Variants in TTC39A observed in about 807,000 individuals in gnomAD.
TTC39A encodes tetratricopeptide repeat protein 39A.
TTC39A carries 46 observed loss-of-function variants against 82.3 expected under a neutral mutation model. That is an observed-to-expected ratio of 0.56 (90% CI 0.44 to 0.71). The LOEUF (loss-of-function observed/expected upper bound fraction) is 0.71. Ranked by LOEUF, TTC39A falls within the 30% of genes least tolerant of loss-of-function variation. TTC39A has a pLI of 0.00. For missense variants in TTC39A, 543 were observed against 712.9 expected, an observed-to-expected ratio of 0.76 and a Z score of 2.71; for synonymous variants, 254 against 275.2, an observed-to-expected ratio of 0.92 and a Z score of 0.76.
At chr1:51,308,832 TG>T (rs1644973221) in intron 6 of TTC39A, among the ~76,000 whole-genome samples, 1 of 152,194 alleles carries the variant, frequency 6.6e-6, no homozygotes. Context: ...TGCATGTGTG[TG>T]TATGTATACC....
At chr1:51,312,091 G>T in intron 4 of TTC39A, 28 bp downstream of exon 4, 1 of 1,603,226 alleles carries the variant, frequency 6.2e-7, no homozygotes, top group Admixed American at 1.7e-5. Context: ...GGCTTAGCAT[G>T]GTTGAAAGGA....
At chr1:51,296,339 A>G (rs1489172937) in intron 12 of TTC39A, among the ~76,000 whole-genome samples, 169 bp from the exon 13 acceptor site, 1 of 152,266 alleles carries the variant, frequency 6.6e-6, no homozygotes, top group African/African-American at 2.4e-5. Flanking sequence ...ACCTGAATCC[A>G]GGACAACCCA....
At chr1:51,332,548 G>A (rs996939738), upstream of TTC39A, among the ~76,000 whole-genome samples, 6 of 152,210 alleles carry the variant, frequency 3.9e-5, no homozygotes, top group African/African-American at 7.2e-5. Flanking sequence ...GTAAGCCACC[G>A]CGCCCGGCCT....
At chr1:51,307,289 C>T (rs2148204278) in intron 6 of TTC39A, among the ~76,000 whole-genome samples, 1 of 152,282 alleles carries the variant, frequency 6.6e-6, no homozygotes, top group Non-Finnish European at 1.5e-5. Context: ...GGGGCCAGAG[C>T]ACTTGTCTGG....
At position 51,287,402 on chromosome 1, in the gene TTC39A, T is replaced by C. The variant is rs1205904458; in HGVS notation, c.*755A>G. On this transcript the variant is annotated 3_prime_UTR_variant, in exon 18 of 18. Coordinates refer to ENST00000680483, the MANE Select transcript of TTC39A (RefSeq NM_001297663.2). The stretch of plus-strand genomic sequence containing the variant: ...AGATACAGACTGGATTCTGAGAACC[T>C]CCTCCTGCCCCCCAAATTTCCTGGC... 1 of 152,186 alleles carries C rather than the reference T, an allele frequency of 6.6e-6. No individual in the cohort carries two copies. Among genetic ancestry groups the C allele is most frequent in the Admixed American group, 6.5e-5 (1 of 15,272 alleles). 9.4% of individuals were successfully genotyped at this position (152,186 alleles called of 1,614,324 possible). A position where few individuals can be genotyped will look rare whatever the true frequency, so the allele number is the denominator to read the frequency against.
chr1:51,302,238 T>TGGGGGGGGGGGC, intron 11 of TTC39A, 119 bp downstream of exon 11: 1 of 723,712 alleles, frequency 1.4e-6, no homozygotes, highest in Non-Finnish European at 2.5e-6. Context: ...GGTTCTCTCT[T>TGGGGGGGGGGGC]GGCCCCCCCC....
In TTC39A at chr1:51,309,243, AT is replaced by A. The variant is rs1383802091; in HGVS notation, c.488+17del. 1 of 1,594,196 alleles carries A rather than the reference AT, an allele frequency of 6.3e-7. No homozygotes were observed. Among genetic ancestry groups the A allele is most frequent in the East Asian group, 2.3e-5 (1 of 44,282 alleles). On this transcript the variant is annotated intron_variant, in intron 6 of 17. Transcript: ENST00000680483. ...TGGCCCAGGGTCTCCCCACAAGCGG[AT>A]GGCCAGCCCCACTCACTTGTAGGTC... is the stretch of plus-strand genomic sequence containing the variant.
intron 8 of TTC39A, among the ~76,000 whole-genome samples, chr1:51,303,886 C>T (rs767119378): frequency 5.9e-5 from 9 of 152,222 alleles, no homozygotes; most frequent in Non-Finnish European, 8.8e-5. Flanking sequence ...ATGACCCATG[C>T]GCTTTCTTAA....
At chr1:51,304,772 G>A (rs574244123) in intron 8 of TTC39A, among the ~76,000 whole-genome samples, 1 of 152,324 alleles carries the variant, frequency 6.6e-6, no homozygotes, top group African/African-American at 2.4e-5. Flanking sequence ...AGGGAGAGAG[G>A]GACCAGCCCC....
intron 14 of TTC39A, among the ~76,000 whole-genome samples, chr1:51,293,347 G>A (rs943557154): frequency 9.2e-5 from 14 of 152,154 alleles, no homozygotes; most frequent in Admixed American, 5.2e-4. Flanking sequence ...GATTACAGGC[G>A]TGAGCCACCA....
chr1:51,318,582 G>A (rs1030949334), intron 2 of TTC39A, among the ~76,000 whole-genome samples: 4 of 152,134 alleles, frequency 2.6e-5, no homozygotes, highest in Non-Finnish European at 5.9e-5. Flanking sequence ...GGTCAGGCCT[G>A]GGGACTTGTG....
At position 51,287,952 on chromosome 1, in the gene TTC39A, C is replaced by G; in HGVS notation, c.*205G>C. 1 of 699,314 alleles carries G rather than the reference C, an allele frequency of 1.4e-6. No homozygotes were observed. Among genetic ancestry groups the G allele is most frequent in the East Asian group, 2.8e-5 (1 of 35,610 alleles). The allele number at this position is 699,314 out of a possible 1,614,324, so 43.3% of individuals were successfully genotyped here. A position where few individuals can be genotyped will look rare whatever the true frequency, so the allele number is the denominator to read the frequency against. ...TGATAGGGCAGGCAGAGGGCTCCAC[C>G]TGCTCTGCCCTTGGCAAAGGCCCTT... On this transcript the variant is annotated 3_prime_UTR_variant, in exon 18 of 18. Transcript: ENST00000680483.
At chr1:51,316,692 G>A (rs1304012865) in intron 2 of TTC39A, among the ~76,000 whole-genome samples, 3 of 152,102 alleles carry the variant, frequency 2.0e-5, no homozygotes, top group African/African-American at 7.2e-5. Flanking sequence ...CTGGCCCCTC[G>A]CTCTTGGCAG....
At chr1:51,337,302 C>CT (rs146432897) in intron 1 of TTC39A, among the ~76,000 whole-genome samples, 4,979 of 152,262 alleles carry the variant, frequency 0.033, 136 homozygotes, top group Middle Eastern at 0.092. Context: ...ACCTCAGGCC[C>CT]TTTGGACTTG....
intron 1 of TTC39A, chr1:51,322,129 G>A: frequency 6.4e-7 from 1 of 1,552,536 alleles, no homozygotes; most frequent in Non-Finnish European, 8.7e-7. Flanking sequence ...CTCCACAAGG[G>A]TAAAGGGAGT....
At chr1:51,303,223 C>T (rs1370775436) in intron 8 of TTC39A, 31 bp from the exon 9 acceptor site, 1 of 1,526,750 alleles carries the variant, frequency 6.5e-7, no homozygotes, top group Admixed American at 2.0e-5. Context: ...GTGAGGCTCC[C>T]AGAGAGGGCA....
At chr1:51,322,324 C>T (rs1320004299) in intron 1 of TTC39A, 12 of 1,389,612 alleles carry the variant, frequency 8.6e-6, no homozygotes, top group Admixed American at 3.3e-5. Flanking sequence ...CAGCCCCAAA[C>T]GAGAGGCCCA....
chr1:51,334,162 C>A (rs1288417052), upstream of TTC39A, among the ~76,000 whole-genome samples: 1 of 141,922 alleles, frequency 7.0e-6, no homozygotes, highest in Non-Finnish European at 1.5e-5. Flanking sequence ...AGTTTGAGAC[C>A]AGCCTGGGCA....
upstream of TTC39A, among the ~76,000 whole-genome samples, chr1:51,332,435 A>G (rs1371915851): frequency 1.3e-5 from 2 of 152,070 alleles, no homozygotes; most frequent in South Asian, 2.1e-4. Context: ...TGATTTTTGT[A>G]TTTTTAGTAG....
Sources: gnomAD v4.1 joint callset for allele counts (sites outside exome capture counted in the v4.1 genomes callset) on GRCh38, gnomAD v4.1.1 for gene constraint, MANE v1.5 for transcripts, NCBI Gene and HGNC (gene_info 2026-07-23, HGNC 2026-07-21) for gene names.